The following TVP23A variants were observed in gnomAD, a reference collection of about 807,000 sequenced individuals.
TVP23A encodes Golgi apparatus membrane protein TVP23 homolog A.
In TVP23A, 21 loss-of-function variants were observed where a neutral mutation model predicts 31.7. That is an observed-to-expected ratio of 0.66 (90% confidence interval 0.47 to 0.95). TVP23A has a LOEUF of 0.95. TVP23A is among the 40% of genes least tolerant of loss of function. The probability of loss-of-function intolerance (pLI) is 0.00; values close to 1 mark genes in which losing one functional copy is unlikely to be tolerated. For missense variants in TVP23A, 279 were observed against 255.6 expected (o/e 1.09, Z -0.62); for synonymous variants, 104 against 96.0 (o/e 1.08, Z -0.49).
At chr16:10,761,896 C>T (rs746308132), downstream of TVP23A, 24 of 1,513,962 alleles carry the variant, frequency 1.6e-5, no homozygotes, top group South Asian at 2.3e-5. Context: ...CCTCACTCCT[C>T]GGTCAGCCCC....
intron 3 of TVP23A, 80 bp from the exon 4 acceptor site, chr16:10,774,208 TGATTCATTTCA>T (rs2031835966): frequency 9.1e-7 from 1 of 1,102,452 alleles, no homozygotes; most frequent in Admixed American, 2.5e-5. Context: ...AAAAGTTCCT[TGATTCATTTCA>T]GACTTGTACT....
At chr16:10,783,474 G>A (rs1226920236) in intron 2 of TVP23A, among the ~76,000 whole-genome samples, 1 of 152,094 alleles carries the variant, frequency 6.6e-6, no homozygotes, top group South Asian at 2.1e-4. Flanking sequence ...CCAAGAGTTC[G>A]AGACCAGCCT....
chr16:10,804,693 C>T (rs2033862513), intron 2 of TVP23A, among the ~76,000 whole-genome samples: 1 of 152,182 alleles, frequency 6.6e-6, no homozygotes, highest in East Asian at 1.9e-4. Flanking sequence ...CTGCTGAGGG[C>T]TGTGATCATG....
chr16:10,794,077 T>A (rs1406328), intron 2 of TVP23A, among the ~76,000 whole-genome samples: 33,375 of 151,940 alleles, frequency 0.22, 8,245 homozygotes, highest in African/African-American at 0.59. Flanking sequence ...TCTTCACATG[T>A]CAGAAGGGCA....
chr16:10,797,259 C>T (rs902203251), intron 2 of TVP23A, among the ~76,000 whole-genome samples: 1 of 151,826 alleles, frequency 6.6e-6, no homozygotes, highest in African/African-American at 2.4e-5. Flanking sequence ...CTTGGCCAGG[C>T]GCAGTGGTTC....
intron 2 of TVP23A, among the ~76,000 whole-genome samples, chr16:10,790,166 A>G (rs955929809): frequency 4.6e-5 from 7 of 152,312 alleles, no homozygotes; most frequent in African/African-American, 1.4e-4. Context: ...GGCCTGGAAG[A>G]AAAAATCTAG....
intron 5 of TVP23A, among the ~76,000 whole-genome samples, 181 bp downstream of exon 5, chr16:10,773,132 C>G (rs1311868235): frequency 1.3e-5 from 2 of 152,224 alleles, no homozygotes; most frequent in Admixed American, 1.3e-4. Flanking sequence ...CGTAAGCCAC[C>G]ATGCCAAGCC....
chr16:10,813,727 C>T (rs978711813), intron 2 of TVP23A, among the ~76,000 whole-genome samples: 1 of 152,018 alleles, frequency 6.6e-6, no homozygotes, highest in Admixed American at 6.6e-5. Context: ...CTTTCTAGGC[C>T]GGGCATGGTG....
chr16:10,786,426 A>C (rs1392518364), intron 2 of TVP23A, among the ~76,000 whole-genome samples: 1 of 150,932 alleles, frequency 6.6e-6, no homozygotes, highest in Non-Finnish European at 1.5e-5. Flanking sequence ...GGACAGAGGG[A>C]GAACTTGTCA....
chr16:10,792,090 C>G (rs2033137810), intron 2 of TVP23A, among the ~76,000 whole-genome samples: 1 of 152,240 alleles, frequency 6.6e-6, no homozygotes, highest in African/African-American at 2.4e-5. Context: ...CTCCTCAAAC[C>G]TGCCTATAAA....
chr16:10,793,437 C>T (rs909659447), intron 2 of TVP23A, among the ~76,000 whole-genome samples: 1 of 152,128 alleles, frequency 6.6e-6, no homozygotes, highest in African/African-American at 2.4e-5. Context: ...CTTCACCCTC[C>T]ACCTCTGGGC....
intron 3 of TVP23A, among the ~76,000 whole-genome samples, chr16:10,774,602 C>T (rs1275646497): frequency 6.8e-6 from 1 of 146,180 alleles, no homozygotes; most frequent in Non-Finnish European, 1.5e-5. Context: ...CTCTCATTCT[C>T]TCTCTTTTTT....
Position 10,818,700 on chromosome 16 carries a change from A to T in TVP23A, c.-207T>A. On this transcript the variant is annotated 5_prime_UTR_variant, in exon 1 of 8. Transcript: ENST00000299866. The surrounding 1 kb of genome is among the most constrained non-coding windows in gnomAD (Gnocchi z 4.7). ...CCTAAGGCGCAGTCGCAGGCTGGGG[A>T]GGGGGCTCGGCTCGCCGGGGACGCG... 6 of 531,026 alleles carry T rather than the reference A, an allele frequency of 1.1e-5. No homozygotes were observed. The highest frequency in any genetic ancestry group is 4.2e-5 in the African/African-American group (2 of 48,004). 32.9% of individuals were successfully genotyped at this position (531,026 alleles called of 1,614,324 possible). A position where few individuals can be genotyped will look rare whatever the true frequency, so the allele number is the denominator to read the frequency against.
At chr16:10,786,975 T>C (rs974024784) in intron 2 of TVP23A, among the ~76,000 whole-genome samples, 2 of 151,048 alleles carry the variant, frequency 1.3e-5, no homozygotes, top group Non-Finnish European at 2.9e-5. Context: ...CCCCATTGAG[T>C]AATGGACTGT....
chr16:10,814,659 A>T (rs2034356282), intron 2 of TVP23A, among the ~76,000 whole-genome samples: 1 of 152,188 alleles, frequency 6.6e-6, no homozygotes, highest in African/African-American at 2.4e-5. Flanking sequence ...GCCCTGCCCA[A>T]TGCCACAGCC....
At chr16:10,758,776 A>G (rs1900745453), downstream of TVP23A, among the ~76,000 whole-genome samples, 1 of 152,172 alleles carries the variant, frequency 6.6e-6, no homozygotes, top group Admixed American at 6.5e-5. Flanking sequence ...CTGGGTGCAG[A>G]TAGGGATTTC....
intron 2 of TVP23A, among the ~76,000 whole-genome samples, chr16:10,778,915 G>C (rs2142926603): frequency 6.6e-6 from 1 of 152,312 alleles, no homozygotes; most frequent in South Asian, 2.1e-4. Flanking sequence ...GCAGTGAGCT[G>C]AGATTGCACC....
intron 4 of TVP23A, 92 bp from the exon 5 acceptor site, chr16:10,773,533 C>T: frequency 7.0e-7 from 1 of 1,420,856 alleles, no homozygotes; most frequent in Non-Finnish European, 9.4e-7. Context: ...TTTGCAGATG[C>T]TTTTGTTGCT....
At chr16:10,793,002 T>G (rs747806227) in intron 2 of TVP23A, among the ~76,000 whole-genome samples, 2 of 152,196 alleles carry the variant, frequency 1.3e-5, no homozygotes, top group Non-Finnish European at 2.9e-5. Flanking sequence ...TAAAGAGACA[T>G]ACCCAGCAGG....
Sources: allele counts gnomAD v4.1 joint callset (sites outside exome capture counted in the v4.1 genomes callset), GRCh38; gene constraint gnomAD v4.1.1; non-coding constraint Gnocchi (gnomAD v3.1); transcripts MANE v1.5; gene names NCBI Gene and HGNC (gene_info 2026-07-23, HGNC 2026-07-21).